The following HHIP variants were observed in gnomAD, a reference collection of about 807,000 sequenced individuals.
HHIP encodes hedgehog-interacting protein.
In HHIP, 12 loss-of-function variants were observed where a neutral mutation model predicts 74.0. The ratio of observed to expected loss-of-function variants is 0.16; its 90% CI spans 0.10 to 0.26. HHIP has a LOEUF of 0.26. Ranked by LOEUF, HHIP falls within the 10% of genes least tolerant of loss-of-function variation. The probability of loss-of-function intolerance (pLI) is 1.00; values close to 1 mark genes in which losing one functional copy is unlikely to be tolerated. For synonymous variants in HHIP, 309 were observed against 311.6 expected (o/e 0.99, Z 0.09); for missense variants, 788 against 845.0 (o/e 0.93, Z 0.84).
chr4:144,706,225 T>A (rs1319547776), intron 4 of HHIP, among the ~76,000 whole-genome samples: 3 of 152,202 alleles, frequency 2.0e-5, no homozygotes, highest in Non-Finnish European at 2.9e-5. Flanking sequence ...AAAGAATTCT[T>A]CACAGCACTT....
chr4:144,664,544 T>C (rs1257727363), intron 4 of HHIP, among the ~76,000 whole-genome samples: 2 of 152,266 alleles, frequency 1.3e-5, no homozygotes, highest in Non-Finnish European at 2.9e-5. Context: ...AGTGTATTTT[T>C]GCTTGAGTGA....
intron 8 of HHIP, among the ~76,000 whole-genome samples, 199 bp from the exon 9 acceptor site, chr4:144,714,026 A>AAGCT (rs1730374214): frequency 6.6e-6 from 1 of 152,144 alleles, no homozygotes; most frequent in African/African-American, 2.4e-5. Context: ...TGATTTCATT[A>AAGCT]AGCTGTACAT....
rs1210095110 is a variant in HHIP at position 144,744,904 on chromosome 4, A to G, written c.*6947A>G. On this transcript the variant is annotated 3_prime_UTR_variant, in exon 13 of 13. Coordinates refer to ENST00000296575, the MANE Select transcript of HHIP (RefSeq NM_022475.3). ...TAACAGTACAGATGGCCTAAAGTACATCTGTGTGTATCTGTACGTGTGCAC... is the reference window on the plus strand; with the variant it reads ...TAACAGTACAGATGGCCTAAAGTACGTCTGTGTGTATCTGTACGTGTGCAC... The G allele has an allele frequency of 2.0e-5, 3 of 152,242 alleles. No individual in the cohort carries two copies. The highest frequency in any genetic ancestry group is 4.4e-5 in the Non-Finnish European group (3 of 68,048). The allele number at this position is 152,242 out of a possible 1,614,324, so 9.4% of individuals were successfully genotyped here. A position where few individuals can be genotyped will look rare whatever the true frequency, so the allele number is the denominator to read the frequency against.
chr4:144,720,771 C>T (rs575957016), intron 11 of HHIP, among the ~76,000 whole-genome samples: 3 of 152,090 alleles, frequency 2.0e-5, no homozygotes, highest in African/African-American at 7.2e-5. Flanking sequence ...GCATAAATTT[C>T]AAAATTAAAC....
chr4:144,736,400 G>A (rs1024261745), intron 12 of HHIP, among the ~76,000 whole-genome samples: 4 of 152,090 alleles, frequency 2.6e-5, no homozygotes, highest in African/African-American at 9.7e-5. Flanking sequence ...CTCCCAGAGT[G>A]CTTGGATAAC....
At chr4:144,727,973 T>C (rs888936025) in intron 11 of HHIP, among the ~76,000 whole-genome samples, 1 of 152,208 alleles carries the variant, frequency 6.6e-6, no homozygotes, top group Non-Finnish European at 1.5e-5. Flanking sequence ...TCATACACTT[T>C]CTGATCTTTT....
intron 4 of HHIP, among the ~76,000 whole-genome samples, chr4:144,663,422 T>C (rs1349169383): frequency 1.3e-5 from 2 of 152,196 alleles, no homozygotes; most frequent in East Asian, 3.9e-4. Flanking sequence ...ACCACTGATG[T>C]AGCCTGAGCC....
intron 3 of HHIP, 79 bp from the exon 4 acceptor site, chr4:144,659,558 A>C: frequency 1.1e-6 from 1 of 877,180 alleles, no homozygotes; most frequent in Non-Finnish European, 1.6e-6. Flanking sequence ...GAGGAAATAG[A>C]GTTTGAAAAG....
chr4:144,656,937 A>T (rs796362132), intron 2 of HHIP, among the ~76,000 whole-genome samples: 22 of 152,128 alleles, frequency 1.4e-4, no homozygotes, highest in African/African-American at 5.3e-4. Flanking sequence ...TAACTTTCCA[A>T]TTGCCTTGCC....
At chr4:144,691,765 C>T (rs1317473468) in intron 4 of HHIP, among the ~76,000 whole-genome samples, 1 of 151,976 alleles carries the variant, frequency 6.6e-6, no homozygotes, top group Non-Finnish European at 1.5e-5. Flanking sequence ...AATGAAAAGT[C>T]TAAGTACCAT....
At chr4:144,680,390 T>C (rs1729301487) in intron 4 of HHIP, among the ~76,000 whole-genome samples, 1 of 152,208 alleles carries the variant, frequency 6.6e-6, no homozygotes, top group African/African-American at 2.4e-5. Flanking sequence ...ATTCAAATGA[T>C]GGGAAGACAT....
Position 144,718,933 on chromosome 4 carries a change from C to G in HHIP, c.1737C>G (p.Leu579=). The stretch of plus-strand genomic sequence containing the variant: ...TGACCCAGACTCACAATGGAAAACT[C>G]TACAAAATTGTAGATCCCAAAAGGT... ...KSMTQTHNGK[L]YKIVDPKRPL... Residue 579 remains leucine, a synonymous_variant, in exon 11 of 13, where the codon CTC becomes CTG. Transcript: ENST00000296575. The G allele has an allele frequency of 6.2e-7, 1 of 1,605,792 alleles. No individual in the cohort carries two copies. The highest frequency in any genetic ancestry group is 8.5e-7 in the Non-Finnish European group (1 of 1,172,702).
intron 1 of HHIP, among the ~76,000 whole-genome samples, chr4:144,651,268 T>A (rs1728421420): frequency 6.6e-6 from 1 of 152,112 alleles, no homozygotes; most frequent in Non-Finnish European, 1.5e-5. Flanking sequence ...TAATTGTAAT[T>A]AATAATAACC....
intron 4 of HHIP, among the ~76,000 whole-genome samples, chr4:144,689,151 G>C (rs113939368): frequency 6.6e-6 from 1 of 152,206 alleles, no homozygotes; most frequent in African/African-American, 2.4e-5. Context: ...TTTGATTTCA[G>C]AGAGCTTTTA....
At position 144,717,511 on chromosome 4, in the gene HHIP, G is replaced by A. The variant is rs1730488339; in HGVS notation, c.1679-1364G>A. Among the ~76,000 whole-genome samples the A allele has an allele frequency of 2.0e-5, 3 of 152,018 alleles. No individual in the cohort carries two copies. The South Asian group carries it at 6.2e-4, about 32-fold the overall frequency. ...TATAGACTAAAGGATTTTTCATGGG[G>A]GAGGACCAAATATAAATTTTAAAAC... On this transcript the variant is annotated intron_variant, in intron 10 of 12. Coordinates refer to ENST00000296575, the MANE Select transcript of HHIP (RefSeq NM_022475.3).
Position 144,738,528 on chromosome 4 carries a change from T to C in HHIP, c.*571T>C, listed in dbSNP as rs924408122. The C allele has an allele frequency of 3.1e-6, 3 of 956,264 alleles. No homozygotes were observed. The highest frequency in any genetic ancestry group is 1.2e-4 in the East Asian group (1 of 8,694). The allele number at this position is 956,264 out of a possible 1,614,324, so 59.2% of individuals were successfully genotyped here. On this transcript the variant is annotated 3_prime_UTR_variant, in exon 13 of 13. Transcript: ENST00000296575. ...ACAGAATGCTACACACTTACCTTTT[T>C]ATTGGCTGAGAAATCTGGTTATTTC... is the stretch of plus-strand genomic sequence containing the variant.
chr4:144,669,923 C>T (rs756592807), intron 4 of HHIP, among the ~76,000 whole-genome samples: 38 of 147,684 alleles, frequency 2.6e-4, no homozygotes, highest in Non-Finnish European at 1.2e-4. Context: ...AAGCGGATCA[C>T]GAGGTCAAGA....
rs1453333241 is a variant in HHIP, at chr4:144,740,189, A to T, written c.*2232A>T. ...ACAATAAGGATACTGCTATATATTC[A>T]GTAAAATCTAAAAAAATCAAGCATT... is the stretch of plus-strand genomic sequence containing the variant. On this transcript the variant is annotated 3_prime_UTR_variant, in exon 13 of 13. Transcript: ENST00000296575. 2.0e-5 allele frequency: 3 copies of T among 152,240 alleles called. No individual in the cohort carries two copies. The highest frequency in any genetic ancestry group is 7.2e-5 in the African/African-American group (3 of 41,466). The allele number at this position is 152,240 out of a possible 1,614,324, so 9.4% of individuals were successfully genotyped here.
chr4:144,652,840 T>C (rs775387202), intron 2 of HHIP, 43 bp downstream of exon 2: 24 of 1,286,532 alleles, frequency 1.9e-5, no homozygotes, highest in Non-Finnish European at 2.4e-5. Context: ...CACTGCACAA[T>C]ATCCTTGTAA....
Sources: allele counts gnomAD v4.1 joint callset (sites outside exome capture counted in the v4.1 genomes callset), GRCh38; gene constraint gnomAD v4.1.1; transcripts MANE v1.5; gene names NCBI Gene and HGNC (gene_info 2026-07-23, HGNC 2026-07-21).